The following SLC26A5 variants were observed in gnomAD, a reference collection of about 807,000 sequenced individuals.
The protein encoded by SLC26A5 is prestin.
A neutral mutation model predicts 81.0 loss-of-function variants in SLC26A5; 51 were observed. That is an observed-to-expected ratio of 0.63 (90% CI 0.50 to 0.80). The LOEUF (loss-of-function observed/expected upper bound fraction) is 0.80, where lower values mean the gene tolerates loss of function less well. Ranked by LOEUF, SLC26A5 falls within the 30% of genes least tolerant of loss-of-function variation. The pLI is 0.00. For synonymous variants in SLC26A5, 325 were observed against 332.8 expected, an observed-to-expected ratio of 0.98 and a Z score of 0.25; for missense variants, 771 against 905.8, an observed-to-expected ratio of 0.85 and a Z score of 1.91.
At chr7:103,439,900 C>A (rs1215123388) in intron 2 of SLC26A5, among the ~76,000 whole-genome samples, 1 of 152,166 alleles carries the variant, frequency 6.6e-6, no homozygotes, top group African/African-American at 2.4e-5. Flanking sequence ...GGCCAGGATG[C>A]TCTACTCCCA....
intron 19 of SLC26A5, chr7:103,369,017 CA>C (rs1180214748): frequency 2.6e-5 from 4 of 151,986 alleles, no homozygotes; most frequent in African/African-American, 9.7e-5. Context: ...GACCAAAGCA[CA>C]ATAATGAATA....
At chr7:103,429,185 TA>T (rs1825896373) in intron 2 of SLC26A5, among the ~76,000 whole-genome samples, 1 of 152,238 alleles carries the variant, frequency 6.6e-6, no homozygotes. Flanking sequence ...ATCAGTAAAG[TA>T]ATGCTTTTCT....
chr7:103,391,913 GA>G (rs1316853864), intron 10 of SLC26A5, among the ~76,000 whole-genome samples, 178 bp from the exon 11 acceptor site: 25 of 152,236 alleles, frequency 1.6e-4, no homozygotes, highest in African/African-American at 4.8e-4. Flanking sequence ...TTTATAGTGA[GA>G]GGGGGGAACA....
At chr7:103,411,389 G>A (rs746541568) in intron 6 of SLC26A5, 31 bp downstream of exon 6, 1 of 1,613,392 alleles carries the variant, frequency 6.2e-7, no homozygotes, top group East Asian at 2.2e-5. Context: ...TAACAAACGA[G>A]ACAGTCCATT....
chr7:103,361,148 C>A (rs966908608), intron 19 of SLC26A5, among the ~76,000 whole-genome samples: 2 of 110,172 alleles, frequency 1.8e-5, no homozygotes, highest in African/African-American at 6.5e-5. Context: ...CAAGCTTCTA[C>A]TGCCTCAGTT....
chr7:103,417,325 A>G lies in SLC26A5; in HGVS notation c.292+3413T>C, dbSNP rs577991322. On this transcript the variant is annotated intron_variant, in intron 4 of 19. Transcript: ENST00000306312. Reference sequence around the variant, plus strand: ...GCGGAGGTTGCAGTGAGCCGAGATCACGCCACTGCACTCCAGCTTGCCAAT... The same window carrying G: ...GCGGAGGTTGCAGTGAGCCGAGATCGCGCCACTGCACTCCAGCTTGCCAAT... Among the ~76,000 whole-genome samples, 27 of 149,972 alleles carry G rather than the reference A, an allele frequency of 1.8e-4. No homozygotes were observed. In the South Asian group the frequency reaches 5.5e-3, roughly 31 times the overall value.
intron 2 of SLC26A5, among the ~76,000 whole-genome samples, chr7:103,421,888 G>T (rs1459326787): frequency 6.6e-6 from 1 of 152,128 alleles, no homozygotes. Context: ...GGTCAATTTT[G>T]ACCAGCTATA....
intron 2 of SLC26A5, among the ~76,000 whole-genome samples, chr7:103,422,601 G>C (rs137867845): frequency 6.6e-6 from 1 of 152,126 alleles, no homozygotes; most frequent in African/African-American, 2.4e-5. Flanking sequence ...AGACTAAGAA[G>C]GGATAGTAGA....
Position 103,397,952 on chromosome 7 carries a change from G to A in SLC26A5, c.951C>T (p.Val317=), listed in dbSNP as rs906383661. ...FNLKESYNVD[V]VGTLPLGLLP... is the part of the protein sequence containing the mutation. ...CCTACCCTAGAGGAAGTGTTCCAAC[G>A]ACATCCACATTGTATGATTCTTTCA... Residue 317 remains valine, a synonymous_variant, in exon 9 of 20, where the codon GTC becomes GTT. Transcript: ENST00000306312. 7.4e-6 allele frequency: 12 copies of A among 1,613,726 alleles called. No individual in the cohort carries two copies. Among genetic ancestry groups the A allele is most frequent in the Admixed American group, 3.3e-5 (2 of 59,986 alleles).
intron 2 of SLC26A5, among the ~76,000 whole-genome samples, chr7:103,433,830 G>A (rs1249389215): frequency 6.6e-6 from 1 of 151,308 alleles, no homozygotes; most frequent in Non-Finnish European, 1.5e-5. Context: ...AGTCTCCTGA[G>A]TAGCTGGGAC....
intron 8 of SLC26A5, among the ~76,000 whole-genome samples, chr7:103,405,087 CT>C (rs1290675626): frequency 2.0e-5 from 3 of 151,982 alleles, no homozygotes; most frequent in Non-Finnish European, 2.9e-5. Context: ...TTCCTCTAAC[CT>C]TTTTTCAAGG....
At chr7:103,359,874 G>A (rs1300656766) in intron 19 of SLC26A5, among the ~76,000 whole-genome samples, 1 of 152,108 alleles carries the variant, frequency 6.6e-6, no homozygotes, top group African/African-American at 2.4e-5. Context: ...GAGGTTGGGA[G>A]TTTGAGATCA....
chr7:103,391,774 A>G, intron 10 of SLC26A5, 39 bp from the exon 11 acceptor site: 1 of 1,529,474 alleles, frequency 6.5e-7, no homozygotes, highest in Non-Finnish European at 9.0e-7. Context: ...GAGATAGGTC[A>G]TTCTTCAGGA....
At chr7:103,389,716 AG>A (rs1429509112) in intron 12 of SLC26A5, among the ~76,000 whole-genome samples, 2 of 152,102 alleles carry the variant, frequency 1.3e-5, no homozygotes, top group Non-Finnish European at 2.9e-5. Context: ...TCTGCCTCCC[AG>A]GTTCAAGCAA....
chr7:103,445,549 A>T (rs988577775), intron 1 of SLC26A5: 6 of 152,242 alleles, frequency 3.9e-5, no homozygotes, highest in Non-Finnish European at 7.3e-5. Flanking sequence ...GATAAGTCAG[A>T]GACCCGGGGT....
chr7:103,405,639 T>C (rs59591837), intron 8 of SLC26A5, among the ~76,000 whole-genome samples: 41,423 of 152,106 alleles, frequency 0.27, 5,942 homozygotes, highest in East Asian at 0.5. Flanking sequence ...GGGAGGTGTC[T>C]CCCAGTCAGG....
At chr7:103,437,298 T>G (rs74847877) in intron 2 of SLC26A5, among the ~76,000 whole-genome samples, 3 of 152,196 alleles carry the variant, frequency 2.0e-5, no homozygotes, top group Non-Finnish European at 4.4e-5. Flanking sequence ...TTGGTGAGCA[T>G]GCAGAGAAAA....
intron 15 of SLC26A5, 147 bp from the exon 16 acceptor site, chr7:103,379,482 CCAA>C: frequency 7.6e-6 from 3 of 394,816 alleles, no homozygotes; most frequent in Non-Finnish European, 1.3e-5. Context: ...CACACACAGA[CCAA>C]AAAAAAAAAA....
intron 14 of SLC26A5, among the ~76,000 whole-genome samples, chr7:103,385,165 G>A (rs765205710): frequency 1.3e-5 from 2 of 152,016 alleles, no homozygotes; most frequent in Non-Finnish European, 2.9e-5. Context: ...CTTTGTTGTT[G>A]TTGTTGTTGT....
Sources: gnomAD v4.1 joint callset for allele counts (sites outside exome capture counted in the v4.1 genomes callset) on GRCh38, gnomAD v4.1.1 for gene constraint, MANE v1.5 for transcripts, NCBI Gene and HGNC (gene_info 2026-07-23, HGNC 2026-07-21) for gene names.